PRDM10: variants seen among roughly 807,000 people sequenced by gnomAD.
The protein encoded by PRDM10 is PR domain zinc finger protein 10.
A neutral mutation model predicts 133.1 loss-of-function variants in PRDM10; 65 were observed. The ratio of observed to expected loss-of-function variants is 0.49; its 90% CI spans 0.40 to 0.60. The LOEUF (loss-of-function observed/expected upper bound fraction) is 0.60. Ranked by LOEUF, PRDM10 falls within the 20% of genes least tolerant of loss-of-function variation. The pLI is 0.00. For missense variants in PRDM10, 1,137 were observed against 1,507.1 expected, an observed-to-expected ratio of 0.75 and a Z score of 4.07; for synonymous variants, 582 against 580.4, an observed-to-expected ratio of 1.00 and a Z score of -0.04.
chr11:129,982,675 G>A (rs1938179602), intron 1 of PRDM10, among the ~76,000 whole-genome samples: 1 of 152,116 alleles, frequency 6.6e-6, no homozygotes, highest in Non-Finnish European at 1.5e-5. Flanking sequence ...TTTTAGCCAG[G>A]AGCAGTGGTT....
chr11:129,947,458 G>C lies in PRDM10; in HGVS notation c.295-88C>G, dbSNP rs767429510. On this transcript the variant is annotated intron_variant, in intron 4 of 20. Transcript: ENST00000360871. This position sits in a 1 kb window ranked among gnomAD's most constrained non-coding sequence, Gnocchi z 4.6. Reference sequence around the variant, plus strand: ...CCTGCTGGCACAAACAGGGCGCAAGGGCTGGCTGAAATCTAGTCTTCCTAC... The same window carrying C: ...CCTGCTGGCACAAACAGGGCGCAAGCGCTGGCTGAAATCTAGTCTTCCTAC... The C allele has an allele frequency of 1.9e-6, 3 of 1,580,032 alleles. No homozygotes were observed. Among genetic ancestry groups the C allele is most frequent in the East Asian group, 2.3e-5 (1 of 44,386 alleles).
At chr11:129,960,519 C>G (rs1213514499) in intron 2 of PRDM10, among the ~76,000 whole-genome samples, 1 of 152,202 alleles carries the variant, frequency 6.6e-6, no homozygotes, top group Non-Finnish European at 1.5e-5. Flanking sequence ...AAAGGCCACT[C>G]ACTTTATAGA....
rs1023791135 is a variant in PRDM10 at position 129,900,895 on chromosome 11, T to A, written c.*1418A>T. 5 of 152,638 alleles carry A rather than the reference T, an allele frequency of 3.3e-5. No individual in the cohort carries two copies. Among genetic ancestry groups the A allele is most frequent in the African/African-American group, 1.2e-4 (5 of 41,468 alleles). 9.5% of individuals were successfully genotyped at this position (152,638 alleles called of 1,614,324 possible). A position where few individuals can be genotyped will look rare whatever the true frequency, so the allele number is the denominator to read the frequency against. On this transcript the variant is annotated 3_prime_UTR_variant, in exon 21 of 21. Transcript: ENST00000360871. ...AGTTCTTTTAACAGAATTGTTCACTTTTCAGAAAATTGTCTTTATCATAAA... is the reference window on the plus strand; with the variant it reads ...AGTTCTTTTAACAGAATTGTTCACTATTCAGAAAATTGTCTTTATCATAAA...
At position 129,977,255 on chromosome 11, in the gene PRDM10, TACACACACACACACACACACAC is replaced by T. The variant is rs71057991; in HGVS notation, c.-118-16195_-118-16174del. On this transcript the variant is annotated intron_variant, in intron 1 of 20. Transcript: ENST00000360871. Reference sequence around the variant, plus strand: ...TTGGAGCAGAATAACATGACTAAAATACACACACACACACACACACACACACACACACACACACACACACATT... The same window carrying T: ...TTGGAGCAGAATAACATGACTAAAATACACACACACACACACACACACATT... 3.8e-5 allele frequency among the ~76,000 whole-genome samples: 5 copies of T among 132,490 alleles called. No individual in the cohort carries two copies. In the East Asian group the frequency reaches 6.8e-4, roughly 18 times the overall value. 86.9% of individuals were successfully genotyped at this position (132,490 alleles called of 152,430 possible). A position where few individuals can be genotyped will look rare whatever the true frequency, so the allele number is the denominator to read the frequency against.
chr11:129,978,983 G>A (rs1937948368), intron 1 of PRDM10, among the ~76,000 whole-genome samples: 1 of 152,184 alleles, frequency 6.6e-6, no homozygotes, highest in South Asian at 2.1e-4. Context: ...AGAAACATGA[G>A]GCTGAGACAC....
At chr11:129,992,351 G>A (rs1938802352) in intron 1 of PRDM10, among the ~76,000 whole-genome samples, 1 of 152,336 alleles carries the variant, frequency 6.6e-6, no homozygotes, top group South Asian at 2.1e-4. Context: ...ACTGTCAGAT[G>A]TCCTTTAAAT....
intron 1 of PRDM10, among the ~76,000 whole-genome samples, chr11:129,975,923 T>C (rs543289715): frequency 3.9e-5 from 6 of 152,180 alleles, no homozygotes; most frequent in Non-Finnish European, 7.4e-5. Context: ...TCCCACTTCC[T>C]AAGCTGGTGT....
chr11:129,958,957 G>C (rs1951746784), intron 2 of PRDM10, among the ~76,000 whole-genome samples: 1 of 152,184 alleles, frequency 6.6e-6, no homozygotes, highest in South Asian at 2.1e-4. Flanking sequence ...GCCTGAGCTT[G>C]GCACATGGCC....
intron 6 of PRDM10, among the ~76,000 whole-genome samples, chr11:129,942,928 CA>C (rs1354636631): frequency 6.6e-6 from 1 of 152,180 alleles, no homozygotes; most frequent in Admixed American, 6.5e-5. Flanking sequence ...CCAGAAAATG[CA>C]AGCAAAATAC....
rs556899423 is a variant in PRDM10, at chr11:129,918,483, G to A, written c.2214+56C>T. On this transcript the variant is annotated intron_variant, in intron 14 of 20. Transcript: ENST00000360871. This position sits in a 1 kb window ranked among gnomAD's most constrained non-coding sequence, Gnocchi z 5.3. Reference sequence around the variant, plus strand: ...ATGCAACACAAACGTCACCATCATCGACAGCAATGAGGTATGCTGGGAAGA... The same window carrying A: ...ATGCAACACAAACGTCACCATCATCAACAGCAATGAGGTATGCTGGGAAGA... The A allele has an allele frequency of 5.2e-6, 8 of 1,549,308 alleles. No individual in the cohort carries two copies. The highest frequency in any genetic ancestry group is 1.9e-4 in the Middle Eastern group (1 of 5,364).
At chr11:129,914,270 T>C (rs978474150) in intron 17 of PRDM10, among the ~76,000 whole-genome samples, 1 of 152,254 alleles carries the variant, frequency 6.6e-6, no homozygotes, top group African/African-American at 2.4e-5. Flanking sequence ...CCAAAAGTGC[T>C]GGGATTACAG....
chr11:129,915,654 C>A lies in PRDM10; in HGVS notation c.2526+6G>T. ...GACCTTAGCTTTAGTCAGAAACTCC[C>A]CCTACCTTGCTGCTGTACTGCTTGG... is the stretch of plus-strand genomic sequence containing the variant. On this transcript the variant is annotated splice_donor_region_variant and intron_variant, in intron 16 of 20. Transcript: ENST00000360871. 1 of 1,565,682 alleles carries A rather than the reference C, an allele frequency of 6.4e-7. No individual in the cohort carries two copies.
At chr11:129,907,056 C>T (rs1372410615) in intron 19 of PRDM10, among the ~76,000 whole-genome samples, 3 of 151,726 alleles carry the variant, frequency 2.0e-5, no homozygotes, top group African/African-American at 4.8e-5. Context: ...GAATAAACAT[C>T]GATGGCTCCT....
At chr11:129,905,570 G>C in intron 20 of PRDM10, 68 bp downstream of exon 20, 1 of 1,120,892 alleles carries the variant, frequency 8.9e-7, no homozygotes, top group South Asian at 1.2e-5. Context: ...CGAGATAAGT[G>C]GTGATAAGAG....
rs1950415214 is a variant in PRDM10 at position 129,918,191 on chromosome 11, A to G, written c.2214+348T>C. On this transcript the variant is annotated intron_variant, in intron 14 of 20. Transcript: ENST00000360871. The surrounding 1 kb of genome is among the most constrained non-coding windows in gnomAD (Gnocchi z 5.3). The stretch of plus-strand genomic sequence containing the variant: ...GGGAGAAGGCAAATACCCCATTAAA[A>G]AAATACATTCAGGGACACAAAAGAG... Among the ~76,000 whole-genome samples the G allele has an allele frequency of 1.3e-5, 2 of 152,078 alleles. No individual in the cohort carries two copies. Among genetic ancestry groups the G allele is most frequent in the South Asian group, 4.2e-4 (2 of 4,814 alleles).
At chr11:129,905,781 T>C (rs375962353) in intron 19 of PRDM10, 40 bp from the exon 20 acceptor site, 57 of 1,552,968 alleles carry the variant, frequency 3.7e-5, no homozygotes, top group Non-Finnish European at 4.8e-5. Context: ...TGGTCTCAGA[T>C]TTTAACACAA....
chr11:129,996,878 T>C (rs1253174501), intron 1 of PRDM10, among the ~76,000 whole-genome samples: 2 of 152,206 alleles, frequency 1.3e-5, no homozygotes, highest in African/African-American at 4.8e-5. Flanking sequence ...TTGGAATCTA[T>C]GAGGTTGATT....
At chr11:129,921,093 G>A (rs953565833) in intron 13 of PRDM10, among the ~76,000 whole-genome samples, 3 of 152,116 alleles carry the variant, frequency 2.0e-5, no homozygotes, top group South Asian at 2.1e-4. Flanking sequence ...CACCGCACCC[G>A]GCCACTTTAT....
In PRDM10 at chr11:129,916,664, T is replaced by C. The variant is rs1353459305; in HGVS notation, c.2325+463A>G. On this transcript the variant is annotated intron_variant, in intron 15 of 20. Coordinates refer to ENST00000360871, the MANE Select transcript of PRDM10 (RefSeq NM_199437.2). The stretch of plus-strand genomic sequence containing the variant: ...AGTAAGAAAGGATATTACAGTGGAA[T>C]AATAAATATATATTCTGTGTCTTTT... 4.6e-5 allele frequency among the ~76,000 whole-genome samples: 7 copies of C among 152,188 alleles called. No individual in the cohort carries two copies. The South Asian group carries it at 1.4e-3, about 32-fold the overall frequency.
Sources: allele counts gnomAD v4.1 joint callset (sites outside exome capture counted in the v4.1 genomes callset), GRCh38; gene constraint gnomAD v4.1.1; non-coding constraint Gnocchi (gnomAD v3.1); transcripts MANE v1.5; gene names NCBI Gene and HGNC (gene_info 2026-07-23, HGNC 2026-07-21).